The following UNC13C variants were observed in gnomAD, a reference collection of about 807,000 sequenced individuals.
The protein encoded by UNC13C is protein unc-13 homolog C.
A neutral mutation model predicts 245.4 loss-of-function variants in UNC13C; 174 were observed. The ratio of observed to expected loss-of-function variants is 0.71; its 90% confidence interval spans 0.63 to 0.80. The LOEUF (loss-of-function observed/expected upper bound fraction) is 0.80, where lower values mean the gene tolerates loss of function less well. Among genes scored for constraint, UNC13C ranks in the 30% least tolerant of loss-of-function variants. The pLI is 0.00. For missense variants in UNC13C, 2,829 were observed against 2,602.9 expected (o/e 1.09, Z -1.89); for synonymous variants, 992 against 895.1 (o/e 1.11, Z -1.93).
At chr15:54,607,504 CT>C (rs1402401537) in intron 30 of UNC13C, among the ~76,000 whole-genome samples, 3 of 152,064 alleles carry the variant, frequency 2.0e-5, no homozygotes, top group African/African-American at 7.2e-5. Context: ...AGAATACAGT[CT>C]TTGGAAATTG....
upstream of UNC13C, among the ~76,000 whole-genome samples, chr15:53,978,400 C>T (rs1038856113): frequency 1.3e-5 from 2 of 152,100 alleles, no homozygotes; most frequent in Non-Finnish European, 1.5e-5. Flanking sequence ...CGGGCGCTCT[C>T]GGTGGAGGAG....
the UNC13C span, among the ~76,000 whole-genome samples, chr15:53,866,683 C>G: frequency 1.3e-5 from 2 of 152,158 alleles, no homozygotes; most frequent in Non-Finnish European, 2.9e-5. Context: ...ACAGAAAATT[C>G]AAGACATTGA....
intron 2 of UNC13C, among the ~76,000 whole-genome samples, chr15:54,083,026 G>T (rs1899038381): frequency 6.6e-6 from 1 of 152,082 alleles, no homozygotes. Context: ...TAATTTGGTG[G>T]TGCAATTCAG....
chr15:54,301,750 C>T (rs943234964), intron 13 of UNC13C, among the ~76,000 whole-genome samples: 1 of 151,946 alleles, frequency 6.6e-6, no homozygotes. Flanking sequence ...GATAAACATA[C>T]GTGTGCATGA....
chr15:54,128,339 CCTTAA>C (rs958208546), intron 2 of UNC13C, among the ~76,000 whole-genome samples: 5 of 152,122 alleles, frequency 3.3e-5, no homozygotes, highest in African/African-American at 4.8e-5. Context: ...ATTTTTATAT[CCTTAA>C]CTTATTTGCT....
At chr15:54,130,429 ACTACAGGCGCCTGCC>A (rs1453379366) in intron 2 of UNC13C, among the ~76,000 whole-genome samples, 1 of 151,204 alleles carries the variant, frequency 6.6e-6, no homozygotes, top group East Asian at 2.0e-4. Context: ...AGTAGCTGGG[ACTACAGGCGCCTGCC>A]AACACGCCTG....
At chr15:54,266,046 T>C (rs2036542548) in intron 10 of UNC13C, among the ~76,000 whole-genome samples, 1 of 151,986 alleles carries the variant, frequency 6.6e-6, no homozygotes, top group African/African-American at 2.4e-5. Context: ...CAAAAGTTCT[T>C]TTTTTTAACA....
At chr15:54,105,037 A>G (rs1288715842) in intron 2 of UNC13C, among the ~76,000 whole-genome samples, 2 of 152,062 alleles carry the variant, frequency 1.3e-5, no homozygotes. Context: ...GAAAAGCCCC[A>G]GTTTTTCTAC....
chr15:54,585,408 C>A lies in UNC13C; in HGVS notation c.6106+17461C>A, dbSNP rs1898436259. Reference sequence around the variant, plus strand: ...GCCATGATTGTAATCTACCTTAGGCCTCAAAAGAAGCAGATGCTGGTGCTG... The same window carrying A: ...GCCATGATTGTAATCTACCTTAGGCATCAAAAGAAGCAGATGCTGGTGCTG... On this transcript the variant is annotated intron_variant, in intron 30 of 32. Transcript: ENST00000260323. 2.6e-5 allele frequency among the ~76,000 whole-genome samples: 4 copies of A among 152,096 alleles called. No individual in the cohort carries two copies. The South Asian group carries it at 8.3e-4, about 32-fold the overall frequency.
chr15:54,173,394 C>G (rs941012967), intron 4 of UNC13C, among the ~76,000 whole-genome samples: 2 of 150,126 alleles, frequency 1.3e-5, no homozygotes, highest in Non-Finnish European at 2.9e-5. Flanking sequence ...TTCAATTTCT[C>G]TCTGTGCTTT....
chr15:54,570,413 T>A (rs963045394), intron 30 of UNC13C, among the ~76,000 whole-genome samples: 1 of 152,170 alleles, frequency 6.6e-6, no homozygotes, highest in African/African-American at 2.4e-5. Flanking sequence ...CTACCCACTT[T>A]CTCCACCCTG....
At chr15:54,124,291 C>G (rs1170970450) in intron 2 of UNC13C, among the ~76,000 whole-genome samples, 4 of 152,188 alleles carry the variant, frequency 2.6e-5, no homozygotes, top group Non-Finnish European at 5.9e-5. Context: ...TCACAGCATC[C>G]TCTCCACCAT....
the UNC13C span, among the ~76,000 whole-genome samples, chr15:53,862,846 T>C: frequency 1.3e-5 from 2 of 152,096 alleles, no homozygotes; most frequent in Admixed American, 1.3e-4. Flanking sequence ...AGCATATGAT[T>C]TGAGGGGTAA....
rs1567278963 is a variant in UNC13C at position 54,446,361 on chromosome 15, T to TGGA, written c.4933+31294_4933+31295insGGA. On this transcript the variant is annotated intron_variant, in intron 19 of 32. Transcript: ENST00000260323. ...CATTGGTACCTTGTTGGGGATGGCA[T>TGGA]TGAATCTATAAATTACCTTAGGCAG... is the stretch of plus-strand genomic sequence containing the variant. 4.6e-5 allele frequency among the ~76,000 whole-genome samples: 7 copies of TGGA among 152,342 alleles called. No homozygotes were observed. In the East Asian group the frequency reaches 1.4e-3, roughly 29 times the overall value.
intron 19 of UNC13C, among the ~76,000 whole-genome samples, chr15:54,435,090 G>A (rs1171199637): frequency 6.6e-6 from 1 of 152,106 alleles, no homozygotes; most frequent in Non-Finnish European, 1.5e-5. Flanking sequence ...ACAGACGCTG[G>A]CGTAGATGTG....
chr15:54,127,879 C>G (rs2031162977), intron 2 of UNC13C, among the ~76,000 whole-genome samples: 1 of 150,964 alleles, frequency 6.6e-6, no homozygotes, highest in African/African-American at 2.4e-5. Flanking sequence ...AATACTCACT[C>G]TCATCACTCC....
intron 13 of UNC13C, among the ~76,000 whole-genome samples, chr15:54,303,525 A>T (rs1350779167): frequency 6.6e-6 from 1 of 152,198 alleles, no homozygotes; most frequent in Non-Finnish European, 1.5e-5. Flanking sequence ...AGTATGTATC[A>T]CATAGATCGT....
At chr15:53,982,223 G>A (rs1893955462) in intron 1 of UNC13C, among the ~76,000 whole-genome samples, 1 of 152,098 alleles carries the variant, frequency 6.6e-6, no homozygotes, top group Non-Finnish European at 1.5e-5. Flanking sequence ...CCTGCGTTCA[G>A]GATAAAACAT....
chr15:54,120,340 T>G (rs1239940840), intron 2 of UNC13C, among the ~76,000 whole-genome samples: 7 of 152,174 alleles, frequency 4.6e-5, no homozygotes, highest in Non-Finnish European at 8.8e-5. Context: ...ACTTGTGCTC[T>G]GTTAATGGAG....
Sources: allele counts gnomAD v4.1 joint callset (sites outside exome capture counted in the v4.1 genomes callset), GRCh38; gene constraint gnomAD v4.1.1; transcripts MANE v1.5; gene names NCBI Gene and HGNC (gene_info 2026-07-23, HGNC 2026-07-21).